The following MAPK8IP3 variants were observed in gnomAD, a reference collection of about 807,000 sequenced individuals.
MAPK8IP3 encodes the protein C-Jun-amino-terminal kinase-interacting protein 3.
MAPK8IP3 carries 49 observed loss-of-function variants against 157.8 expected under a neutral mutation model. The ratio of observed to expected loss-of-function variants is 0.31; its 90% CI spans 0.25 to 0.39. The LOEUF is 0.39. Among genes scored for constraint, MAPK8IP3 ranks in the 10% least tolerant of loss-of-function variants. The pLI is 1.00. For synonymous variants in MAPK8IP3, 897 were observed against 777.7 expected (o/e 1.15, Z -2.55); for missense variants, 1,478 against 1,889.4 (o/e 0.78, Z 4.04).
In MAPK8IP3 at chr16:1,769,590, G is replaced by T. The variant is rs1437240102; in HGVS notation, c.*766G>T. On this transcript the variant is annotated 3_prime_UTR_variant, in exon 32 of 32. Coordinates refer to ENST00000610761, the MANE Select transcript of MAPK8IP3 (RefSeq NM_001318852.2). ...CAGAAGACTCACCTTGGAGGAGTGGGCCCTGGAGTCCTGTCCCTCCCAGAA... is the reference window on the plus strand; with the variant it reads ...CAGAAGACTCACCTTGGAGGAGTGGTCCCTGGAGTCCTGTCCCTCCCAGAA... The T allele has an allele frequency of 6.6e-6, 1 of 152,534 alleles. No individual in the cohort carries two copies. The highest frequency in any genetic ancestry group is 2.4e-5 in the African/African-American group (1 of 41,458). The allele number at this position is 152,534 out of a possible 1,614,324, so 9.4% of individuals were successfully genotyped here. A position where few individuals can be genotyped will look rare whatever the true frequency, so the allele number is the denominator to read the frequency against.
In MAPK8IP3 at chr16:1,742,420, C is replaced by T. The variant is rs1452179900; in HGVS notation, c.603-912C>T. On this transcript the variant is annotated intron_variant, in intron 4 of 31. Transcript: ENST00000610761. This position sits in a 1 kb window ranked among gnomAD's most constrained non-coding sequence, Gnocchi z 5.0. ...GAGGCCAGGCTGTCCCAGGGTCCGTCTTCAGGTTCGGGGCTCCCTGACAGC... is the reference window on the plus strand; with the variant it reads ...GAGGCCAGGCTGTCCCAGGGTCCGTTTTCAGGTTCGGGGCTCCCTGACAGC... Among the ~76,000 whole-genome samples, 5 of 152,226 alleles carry T rather than the reference C, an allele frequency of 3.3e-5. No homozygotes were observed. The highest frequency in any genetic ancestry group is 7.3e-5 in the Non-Finnish European group (5 of 68,034).
chr16:1,767,353 C>G (rs1383151755), intron 26 of MAPK8IP3, 56 bp downstream of exon 26: 4 of 1,603,638 alleles, frequency 2.5e-6, no homozygotes, highest in East Asian at 4.5e-5. Context: ...GCCAGCAGCT[C>G]TCCCGCATCT....
At chr16:1,758,391 G>A (rs190152973) in intron 9 of MAPK8IP3, among the ~76,000 whole-genome samples, 40 of 152,008 alleles carry the variant, frequency 2.6e-4, no homozygotes, top group African/African-American at 7.7e-4. Context: ...GGAGTCCCCC[G>A]CGGGCCATTT....
At position 1,742,676 on chromosome 16, in the gene MAPK8IP3, G is replaced by T. The variant is rs186497134; in HGVS notation, c.603-656G>T. Among the ~76,000 whole-genome samples, 6 of 152,296 alleles carry T rather than the reference G, an allele frequency of 3.9e-5. No homozygotes were observed. Among genetic ancestry groups the T allele is most frequent in the Admixed American group, 3.3e-4 (5 of 15,302 alleles). ...GCCAGGGGAACAGGCAGGGCTGGCAGTAACACCACAGGGAGGCAGGGCTGG... is the reference window on the plus strand; with the variant it reads ...GCCAGGGGAACAGGCAGGGCTGGCATTAACACCACAGGGAGGCAGGGCTGG... On this transcript the variant is annotated intron_variant, in intron 4 of 31. Transcript: ENST00000610761. The surrounding 1 kb of genome is among the most constrained non-coding windows in gnomAD (Gnocchi z 5.0).
chr16:1,764,077 C>T lies in MAPK8IP3; in HGVS notation c.2026-38C>T, dbSNP rs750569486. The T allele has an allele frequency of 2.6e-6, 4 of 1,547,948 alleles. No individual in the cohort carries two copies. The South Asian group carries it at 3.5e-5, about 14-fold the overall frequency. ...GATTTCTGGAGGGATGGGTAGGAGCCAGGGTTCGTGCCCACGGCGCCTCCC... is the reference window on the plus strand; with the variant it reads ...GATTTCTGGAGGGATGGGTAGGAGCTAGGGTTCGTGCCCACGGCGCCTCCC... On this transcript the variant is annotated intron_variant, in intron 17 of 31. Coordinates refer to ENST00000610761, the MANE Select transcript of MAPK8IP3 (RefSeq NM_001318852.2).
chr16:1,766,462 G>A, intron 22 of MAPK8IP3, 53 bp downstream of exon 22: 3 of 1,601,788 alleles, frequency 1.9e-6, no homozygotes, highest in East Asian at 2.2e-5. Context: ...GAGGTGGGAA[G>A]GGCCTCGGGG....
In MAPK8IP3 at chr16:1,767,106, G is replaced by T. The variant is rs369329407; in HGVS notation, c.3089-43G>T. The T allele has an allele frequency of 4.1e-5, 66 of 1,606,736 alleles. No individual in the cohort carries two copies. The African/African-American group carries it at 6.5e-4, about 16-fold the overall frequency. On this transcript the variant is annotated intron_variant, in intron 25 of 31. Transcript: ENST00000610761. Reference sequence around the variant, plus strand: ...TCAACCCGATGCCCTGAGCAGAGGTGGGGCCTGGCCAGGCCTGAGCAGGTG... The same window carrying T: ...TCAACCCGATGCCCTGAGCAGAGGTTGGGCCTGGCCAGGCCTGAGCAGGTG...
rs2040657194 is a variant in MAPK8IP3, at chr16:1,741,223, A to G, written c.603-2109A>G. On this transcript the variant is annotated intron_variant, in intron 4 of 31. Transcript: ENST00000610761. The surrounding 1 kb of genome is among the most constrained non-coding windows in gnomAD (Gnocchi z 6.9). ...TGACCCCTGGGGGTGGTGGTCTCTG[A>G]ACTAGGGAGCATCTGCATCCCCTGA... Among the ~76,000 whole-genome samples, 3 of 152,120 alleles carry G rather than the reference A, an allele frequency of 2.0e-5. No individual in the cohort carries two copies. Among genetic ancestry groups the G allele is most frequent in the African/African-American group, 7.2e-5 (3 of 41,426 alleles).
In MAPK8IP3 at chr16:1,764,437, A is replaced by G. The variant is rs1055609564; in HGVS notation, c.2258A>G (p.His753Arg). 1.2e-6 allele frequency: 2 copies of G among 1,608,314 alleles called. No homozygotes were observed. Among genetic ancestry groups the G allele is most frequent in the African/African-American group, 2.7e-5 (2 of 74,848 alleles). The stretch of plus-strand genomic sequence containing the variant: ...GGAGACGGCGAGCCCAAGAGCGCCC[A>G]CACGTCTCCCGAGAAGAAGAAGGTG... Reference protein sequence around the residue: ...REGDGEPKSAHTSPEKKKAKE... With the variant: ...REGDGEPKSARTSPEKKKAKE... Residue 753 changes from histidine to arginine, a missense_variant, in exon 19 of 32, where the codon CAC becomes CGC. His to Arg is a conservative substitution (Grantham distance 29). Coordinates refer to ENST00000610761, the MANE Select transcript of MAPK8IP3 (RefSeq NM_001318852.2).
rs2039677150 is a variant in MAPK8IP3 at position 1,735,668 on chromosome 16, CGTGTGACCGTCCGTGTGAGCGTCT to C, written c.602+6096_602+6119del. On this transcript the variant is annotated intron_variant, in intron 4 of 31. Coordinates refer to ENST00000610761, the MANE Select transcript of MAPK8IP3 (RefSeq NM_001318852.2). ...GAGTGTGACCATCCATGTGAGCATC[CGTGTGACCGTCCGTGTGAGCGTCT>C]GTGTGCCTGTCCGTGTGAGCATCCG... Among the ~76,000 whole-genome samples, 62 of 136,292 alleles carry C rather than the reference CGTGTGACCGTCCGTGTGAGCGTCT, an allele frequency of 4.5e-4. 1 individual carries two copies. Among genetic ancestry groups the C allele is most frequent in the African/African-American group, 1.3e-3 (47 of 35,372 alleles). 89.4% of individuals were successfully genotyped at this position (136,292 alleles called of 152,430 possible). A position where few individuals can be genotyped will look rare whatever the true frequency, so the allele number is the denominator to read the frequency against.
rs987010662 is a variant in MAPK8IP3 at position 1,742,653 on chromosome 16, C to A, written c.603-679C>A. Reference sequence around the variant, plus strand: ...AAGGCTGGATTCCCTCTGCTGGCGCCAGGGGAACAGGCAGGGCTGGCAGTA... The same window carrying A: ...AAGGCTGGATTCCCTCTGCTGGCGCAAGGGGAACAGGCAGGGCTGGCAGTA... On this transcript the variant is annotated intron_variant, in intron 4 of 31. Transcript: ENST00000610761. The surrounding 1 kb of genome is among the most constrained non-coding windows in gnomAD (Gnocchi z 5.0). 2.0e-5 allele frequency among the ~76,000 whole-genome samples: 3 copies of A among 152,132 alleles called. No homozygotes were observed. The highest frequency in any genetic ancestry group is 2.0e-4 in the Admixed American group (3 of 15,280).
rs1027666379 is a variant in MAPK8IP3 at position 1,746,542 on chromosome 16, C to T, written c.748-487C>T. The T allele has an allele frequency of 6.1e-5, 10 of 164,040 alleles. 1 individual carries two copies. The highest frequency in any genetic ancestry group is 5.0e-4 in the South Asian group (3 of 6,018). The allele number at this position is 164,040 out of a possible 1,614,324, so 10.2% of individuals were successfully genotyped here. A position where few individuals can be genotyped will look rare whatever the true frequency, so the allele number is the denominator to read the frequency against. On this transcript the variant is annotated intron_variant, in intron 5 of 31. Transcript: ENST00000610761. The stretch of plus-strand genomic sequence containing the variant: ...GCCCTGACCTGAGCCCGGGGAGGAA[C>T]GTGGGGCAGGCGCGGGTGGGCCCAG...
chr16:1,708,464 C>T (rs190553620), intron 1 of MAPK8IP3, among the ~76,000 whole-genome samples: 74 of 152,232 alleles, frequency 4.9e-4, no homozygotes, highest in African/African-American at 1.7e-3. Context: ...GTATAGTGGA[C>T]GAGAAGGAAC....
chr16:1,736,669 T>C lies in MAPK8IP3; in HGVS notation c.603-6663T>C, dbSNP rs527326708. Reference sequence around the variant, plus strand: ...GACCGTCCGTGTGAGCGTGTGACCGTCCGTGTGAGCATCCGTGTGACCGAC... The same window carrying C: ...GACCGTCCGTGTGAGCGTGTGACCGCCCGTGTGAGCATCCGTGTGACCGAC... On this transcript the variant is annotated intron_variant, in intron 4 of 31. Coordinates refer to ENST00000610761, the MANE Select transcript of MAPK8IP3 (RefSeq NM_001318852.2). 2.7e-5 allele frequency among the ~76,000 whole-genome samples: 2 copies of C among 75,066 alleles called. 1 individual carries two copies. Among genetic ancestry groups the C allele is most frequent in the South Asian group, 1.6e-3 (2 of 1,218 alleles). 49.2% of individuals were successfully genotyped at this position (75,066 alleles called of 152,430 possible). A position where few individuals can be genotyped will look rare whatever the true frequency, so the allele number is the denominator to read the frequency against.
intron 1 of MAPK8IP3, among the ~76,000 whole-genome samples, chr16:1,712,076 T>A (rs1290379313): frequency 7.3e-6 from 1 of 137,638 alleles, no homozygotes; most frequent in Non-Finnish European, 1.6e-5. Flanking sequence ...TTTTTTTCTT[T>A]TTTGAGATGG....
chr16:1,716,083 A>G (rs1008153554), intron 1 of MAPK8IP3, among the ~76,000 whole-genome samples: 1 of 152,142 alleles, frequency 6.6e-6, no homozygotes, highest in Non-Finnish European at 1.5e-5. Flanking sequence ...GGGTTGTGAA[A>G]GTTACCAAAA....
Position 1,724,821 on chromosome 16 carries a change from G to A in MAPK8IP3, c.439+144G>A, listed in dbSNP as rs977045163. 3 of 1,104,400 alleles carry A rather than the reference G, an allele frequency of 2.7e-6. No individual in the cohort carries two copies. In the African/African-American group the frequency reaches 4.7e-5, roughly 17 times the overall value. The allele number at this position is 1,104,400 out of a possible 1,614,324, so 68.4% of individuals were successfully genotyped here. A position where few individuals can be genotyped will look rare whatever the true frequency, so the allele number is the denominator to read the frequency against. The stretch of plus-strand genomic sequence containing the variant: ...CCTCAGCCATGTATTCCAGCTCTTT[G>A]TACTGCTGCCTGTTTCTGTAATGGG... On this transcript the variant is annotated intron_variant, in intron 2 of 31. Transcript: ENST00000610761. The surrounding 1 kb of genome is among the most constrained non-coding windows in gnomAD (Gnocchi z 4.1).
chr16:1,764,961 A>AC, intron 19 of MAPK8IP3, 52 bp from the exon 20 acceptor site: 1 of 1,561,498 alleles, frequency 6.4e-7, no homozygotes, highest in Non-Finnish European at 8.7e-7. Flanking sequence ...CTGTGCTGCC[A>AC]CCGGGTAGCC....
At chr16:1,737,047 ACC>A (rs2039980567) in intron 4 of MAPK8IP3, among the ~76,000 whole-genome samples, 4 of 62,468 alleles carry the variant, frequency 6.4e-5, no homozygotes, top group Non-Finnish European at 9.0e-5. Context: ...CATCCGTGTG[ACC>A]GTCCGTGTGA....
Sources: gnomAD v4.1 joint callset for allele counts (sites outside exome capture counted in the v4.1 genomes callset) on GRCh38, gnomAD v4.1.1 for gene constraint, Gnocchi (gnomAD v3.1) non-coding constraint, MANE v1.5 for transcripts, NCBI Gene and HGNC (gene_info 2026-07-23, HGNC 2026-07-21) for gene names.